Variants in CYP4X1 observed in about 807,000 individuals in gnomAD.
CYP4X1 encodes the protein cytochrome P450 4X1.
A neutral mutation model predicts 57.9 loss-of-function variants in CYP4X1; 44 were observed. The observed-to-expected ratio is 0.76, with a 90% CI of 0.60 to 0.98. The LOEUF (loss-of-function observed/expected upper bound fraction) is 0.98. CYP4X1 is among the 50% of genes least tolerant of loss of function. The pLI, the probability that CYP4X1 is intolerant of heterozygous loss-of-function variation, is 0.00. For synonymous variants in CYP4X1, 227 were observed against 228.6 expected, an observed-to-expected ratio of 0.99 and a Z score of 0.06; for missense variants, 532 against 623.9, an observed-to-expected ratio of 0.85 and a Z score of 1.57.
chr1:47,048,709 G>A, intron 10 of CYP4X1, 80 bp downstream of exon 10: 2 of 1,322,486 alleles, frequency 1.5e-6, no homozygotes, highest in Non-Finnish European at 2.1e-6. Flanking sequence ...GCACAGAAGT[G>A]GCTATATAAT....
chr1:46,965,667 C>T, the CYP4X1 span, among the ~76,000 whole-genome samples: 2 of 152,248 alleles, frequency 1.3e-5, no homozygotes, highest in African/African-American at 4.8e-5. Flanking sequence ...GGAGGTCTCA[C>T]TCAGTCAGAA....
chr1:47,001,929 T>G, the CYP4X1 span, among the ~76,000 whole-genome samples: 2 of 152,360 alleles, frequency 1.3e-5, no homozygotes, highest in South Asian at 2.1e-4. Context: ...CCTCCACCTC[T>G]GCCTTCTGCA....
chr1:46,968,317 G>A, the CYP4X1 span, among the ~76,000 whole-genome samples: 3,181 of 152,106 alleles, frequency 0.021, 53 homozygotes, highest in South Asian at 0.035. Context: ...ACTCTCTGGC[G>A]TCCCTGCTTC....
At chr1:47,030,311 C>T (rs1644112197) in intron 2 of CYP4X1, among the ~76,000 whole-genome samples, 180 bp downstream of exon 2, 1 of 152,180 alleles carries the variant, frequency 6.6e-6, no homozygotes, top group South Asian at 2.1e-4. Flanking sequence ...TCCCCAGTCC[C>T]TTGTCTTGTT....
At chr1:46,980,024 C>T in the CYP4X1 span, among the ~76,000 whole-genome samples, 4 of 152,152 alleles carry the variant, frequency 2.6e-5, no homozygotes, top group Admixed American at 6.5e-5. Context: ...CAATATCATA[C>T]TGAATGGGCA....
chr1:46,964,828 C>T, the CYP4X1 span, among the ~76,000 whole-genome samples: 1 of 152,212 alleles, frequency 6.6e-6, no homozygotes, highest in South Asian at 2.1e-4. Flanking sequence ...CTATGCCCTG[C>T]CCCCAGTGGT....
the CYP4X1 span, among the ~76,000 whole-genome samples, chr1:47,010,340 G>T: frequency 6.6e-6 from 1 of 152,028 alleles, no homozygotes. Flanking sequence ...ATGCAGAAAA[G>T]GCCTTTGACA....
At chr1:46,969,340 T>C in the CYP4X1 span, among the ~76,000 whole-genome samples, 1 of 152,308 alleles carries the variant, frequency 6.6e-6, no homozygotes, top group Admixed American at 6.5e-5. Context: ...TAAATATCTT[T>C]TCTTTATAAA....
At chr1:46,968,269 A>T in the CYP4X1 span, among the ~76,000 whole-genome samples, 6 of 152,072 alleles carry the variant, frequency 3.9e-5, no homozygotes, top group Non-Finnish European at 7.4e-5. Context: ...CTACTCCAGA[A>T]ATGTCCCTCC....
chr1:47,050,140 T>A lies in CYP4X1; in HGVS notation c.1496T>A (p.Met499Lys), dbSNP rs1294972020. The change falls in exon 12 of 12, where the codon ATG becomes AAG. Residue 499 changes from methionine (M) to lysine (K), a missense_variant. Met to Lys is a moderately conservative substitution (Grantham distance 95). Coordinates refer to ENST00000371901, the MANE Select transcript of CYP4X1 (RefSeq NM_178033.2). ...TTTATCCTCAAGCCCAAGAATGGGA[T>A]GTATTTGCACCTGAAGAAACTCTCT... The part of the protein sequence containing the change: ...NHFILKPKNG[M>K]YLHLKKLSEC The A allele has an allele frequency of 2.5e-6, 4 of 1,613,918 alleles. No individual in the cohort carries two copies. Among genetic ancestry groups the A allele is most frequent in the Non-Finnish European group, 3.4e-6 (4 of 1,180,002 alleles).
intron 2 of CYP4X1, among the ~76,000 whole-genome samples, 183 bp downstream of exon 2, chr1:47,030,314 G>A (rs548521425): frequency 3.3e-5 from 5 of 152,256 alleles, no homozygotes; most frequent in African/African-American, 1.2e-4. Context: ...CCAGTCCCTT[G>A]TCTTGTTCAG....
chr1:47,042,581 A>C (rs1393057683), intron 8 of CYP4X1, among the ~76,000 whole-genome samples: 1 of 152,010 alleles, frequency 6.6e-6, no homozygotes, highest in Non-Finnish European at 1.5e-5. Flanking sequence ...CACTGTACCC[A>C]ATTTGTAGTC....
the CYP4X1 span, among the ~76,000 whole-genome samples, chr1:46,998,465 A>G: frequency 1.3e-5 from 2 of 152,152 alleles, no homozygotes; most frequent in Admixed American, 1.3e-4. Context: ...AGTTTCCTAT[A>G]GATTCTAAAA....
the CYP4X1 span, among the ~76,000 whole-genome samples, chr1:46,979,087 C>A: frequency 6.6e-6 from 1 of 152,074 alleles, no homozygotes; most frequent in Non-Finnish European, 1.5e-5. Context: ...AGAGCAAACA[C>A]ATTCAAAAGC....
chr1:47,047,759 T>C (rs186482726), intron 9 of CYP4X1, among the ~76,000 whole-genome samples: 33 of 152,012 alleles, frequency 2.2e-4, no homozygotes, highest in Admixed American at 2.0e-3. Flanking sequence ...ACACCACGCC[T>C]GGCAAATTTT....
At chr1:46,968,045 T>C in the CYP4X1 span, among the ~76,000 whole-genome samples, 2 of 152,042 alleles carry the variant, frequency 1.3e-5, no homozygotes, top group African/African-American at 2.4e-5. Context: ...CACTCTCAGG[T>C]TTTCCCCATG....
At chr1:47,007,144 A>G in the CYP4X1 span, among the ~76,000 whole-genome samples, 3 of 152,280 alleles carry the variant, frequency 2.0e-5, no homozygotes, top group African/African-American at 7.2e-5. Flanking sequence ...GTGGGTCCCT[A>G]AACCCCGAGT....
chr1:47,005,162 G>C, the CYP4X1 span, among the ~76,000 whole-genome samples: 1 of 152,210 alleles, frequency 6.6e-6, no homozygotes, highest in Admixed American at 6.5e-5. Context: ...GCACTCAGAA[G>C]AGGTTCTGAG....
At chr1:47,051,254 G>A (rs949472845), downstream of CYP4X1, among the ~76,000 whole-genome samples, 5 of 151,984 alleles carry the variant, frequency 3.3e-5, no homozygotes, top group African/African-American at 1.2e-4. Flanking sequence ...AGGATGTGGA[G>A]AAATAGGAAG....
Sources: gnomAD v4.1 joint callset for allele counts (sites outside exome capture counted in the v4.1 genomes callset) on GRCh38, gnomAD v4.1.1 for gene constraint, MANE v1.5 for transcripts, NCBI Gene and HGNC (gene_info 2026-07-23, HGNC 2026-07-21) for gene names.